The following PTN variants were observed in gnomAD, a reference collection of about 807,000 sequenced individuals.
PTN encodes the protein pleiotrophin, also known as heparin affin regulatory protein.
In PTN, 18 loss-of-function variants were observed where a neutral mutation model predicts 24.1. The observed-to-expected ratio is 0.75, with a 90% CI of 0.52 to 1.11. The LOEUF (loss-of-function observed/expected upper bound fraction) is 1.11, where lower values mean the gene tolerates loss of function less well. Among genes scored for constraint, PTN ranks in the 50% least tolerant of loss-of-function variants. The pLI, the probability that PTN is intolerant of heterozygous loss-of-function variation, is 0.00. For synonymous variants in PTN, 78 were observed against 68.6 expected (o/e 1.14, Z -0.67); for missense variants, 163 against 198.8 (o/e 0.82, Z 1.08).
At chr7:137,231,101 G>A (rs976454926) in intron 4 of PTN, among the ~76,000 whole-genome samples, 2 of 151,818 alleles carry the variant, frequency 1.3e-5, no homozygotes, top group African/African-American at 4.8e-5. Flanking sequence ...CCTATCTCTA[G>A]CATTGTAACT....
At chr7:137,232,492 G>T (rs906925966) in intron 4 of PTN, among the ~76,000 whole-genome samples, 3 of 151,872 alleles carry the variant, frequency 2.0e-5, no homozygotes, top group African/African-American at 7.2e-5. Flanking sequence ...TTTAAGATAC[G>T]TTTGAAAGTG....
rs1585000477 is a variant in PTN, at chr7:137,228,037, C to A, written c.490G>T (p.Glu164Ter). Residue 164 changes from glutamate (E) to a stop codon, truncating the protein, a stop_gained, in exon 5 of 5, where the codon GAG becomes TAG. Transcript: ENST00000348225. LOFTEE classifies it high-confidence loss of function. ...GACATCTTTTAATCCAGCATCTTCTCCTGTTTCTTGCCTTCCTTTTTCTTC... is the reference window on the plus strand; with the variant it reads ...GACATCTTTTAATCCAGCATCTTCTACTGTTTCTTGCCTTCCTTTTTCTTC... ...KKKKKEGKKQEKMLD is the reference protein window; with the variant it reads ...KKKKKEGKKQ 1.9e-6 allele frequency: 3 copies of A among 1,609,140 alleles called. No individual in the cohort carries two copies. The highest frequency in any genetic ancestry group is 2.5e-6 in the Non-Finnish European group (3 of 1,177,044).
chr7:137,277,032 C>T (rs896248548), intron 1 of PTN, among the ~76,000 whole-genome samples: 3 of 152,080 alleles, frequency 2.0e-5, no homozygotes, highest in African/African-American at 4.8e-5. Flanking sequence ...TATATGTTTA[C>T]AAAATATGTA....
At chr7:137,316,416 T>C (rs1017965720) in intron 1 of PTN, among the ~76,000 whole-genome samples, 4 of 152,120 alleles carry the variant, frequency 2.6e-5, no homozygotes, top group African/African-American at 9.7e-5. Context: ...ACATAAGTCT[T>C]ACAAGAAAGT....
At chr7:137,255,036 T>C (rs1203562821) in intron 1 of PTN, 62 bp from the exon 2 acceptor site, 12 of 1,175,138 alleles carry the variant, frequency 1.0e-5, no homozygotes, top group African/African-American at 6.0e-5. Context: ...GGAAGATTCA[T>C]TGAACCCTTG....
At chr7:137,247,994 T>C (rs1463770639) in intron 4 of PTN, among the ~76,000 whole-genome samples, 1 of 152,066 alleles carries the variant, frequency 6.6e-6, no homozygotes, top group African/African-American at 2.4e-5. Context: ...AATTAACCAG[T>C]GTTCCTCAGT....
intron 1 of PTN, among the ~76,000 whole-genome samples, chr7:137,342,314 C>T (rs916084972): frequency 6.6e-6 from 1 of 152,154 alleles, no homozygotes; most frequent in African/African-American, 2.4e-5. Context: ...CACACGCACA[C>T]ACACACATCA....
intron 2 of PTN, 45 bp from the exon 3 acceptor site, chr7:137,253,682 T>G (rs771198783): frequency 7.0e-7 from 1 of 1,423,514 alleles, no homozygotes; most frequent in South Asian, 1.6e-5. Context: ...GAAAACTCCT[T>G]AACTTCCAGA....
At chr7:137,277,398 C>T (rs1175206336) in intron 1 of PTN, among the ~76,000 whole-genome samples, 2 of 152,134 alleles carry the variant, frequency 1.3e-5, no homozygotes, top group African/African-American at 2.4e-5. Context: ...ATCATACAAC[C>T]CAGCCACTTT....
chr7:137,266,291 A>AT (rs561520767), intron 1 of PTN, among the ~76,000 whole-genome samples: 31 of 152,126 alleles, frequency 2.0e-4, no homozygotes, highest in South Asian at 1.2e-3. Context: ...CAAAACAATG[A>AT]TTTTTTTTAA....
chr7:137,335,730 G>C (rs1045851563), intron 1 of PTN, among the ~76,000 whole-genome samples: 3 of 152,162 alleles, frequency 2.0e-5, no homozygotes, highest in African/African-American at 2.4e-5. Flanking sequence ...GAACATGAAA[G>C]TTTGAGAAGC....
intron 1 of PTN, among the ~76,000 whole-genome samples, chr7:137,286,018 C>T (rs1031879206): frequency 6.6e-6 from 1 of 152,124 alleles, no homozygotes; most frequent in Non-Finnish European, 1.5e-5. Flanking sequence ...AAAATAAATG[C>T]TACAGCCAAG....
At chr7:137,269,854 A>G (rs1374901541) in intron 1 of PTN, among the ~76,000 whole-genome samples, 1 of 151,754 alleles carries the variant, frequency 6.6e-6, no homozygotes, top group Non-Finnish European at 1.5e-5. Context: ...GGTGGTCTCA[A>G]TCTCCTGACC....
At chr7:137,244,945 C>A (rs1222278459) in intron 4 of PTN, among the ~76,000 whole-genome samples, 1 of 152,162 alleles carries the variant, frequency 6.6e-6, no homozygotes. Context: ...AGCCTCCTAA[C>A]CAAGTCACTT....
chr7:137,248,524 A>G (rs1427091536), intron 4 of PTN, among the ~76,000 whole-genome samples: 1 of 152,170 alleles, frequency 6.6e-6, no homozygotes. Context: ...TGTCTCTACT[A>G]AAAAGACAGA....
intron 1 of PTN, among the ~76,000 whole-genome samples, chr7:137,324,451 T>TATTTATAA (rs1460014447): frequency 7.5e-6 from 1 of 133,354 alleles, no homozygotes; most frequent in Non-Finnish European, 1.5e-5. Context: ...TATATATATA[T>TATTTATAA]AAATTAACCT....
At chr7:137,296,842 C>G (rs1809725788) in intron 1 of PTN, among the ~76,000 whole-genome samples, 1 of 151,994 alleles carries the variant, frequency 6.6e-6, no homozygotes, top group African/African-American at 2.4e-5. Flanking sequence ...TGGCTCTCCA[C>G]CAAACCCCCC....
chr7:137,249,364 A>T (rs1808782252), intron 4 of PTN, among the ~76,000 whole-genome samples: 1 of 151,850 alleles, frequency 6.6e-6, no homozygotes, highest in Non-Finnish European at 1.5e-5. Context: ...CTAGAGCAGT[A>T]GTTCTCAATT....
At chr7:137,241,031 A>C (rs1808619280) in intron 4 of PTN, among the ~76,000 whole-genome samples, 1 of 152,204 alleles carries the variant, frequency 6.6e-6, no homozygotes, top group Non-Finnish European at 1.5e-5. Flanking sequence ...GAAACTTACA[A>C]TCATGGCTGA....
Sources: gnomAD v4.1 joint callset for allele counts (sites outside exome capture counted in the v4.1 genomes callset) on GRCh38, gnomAD v4.1.1 for gene constraint, MANE v1.5 for transcripts, NCBI Gene and HGNC (gene_info 2026-07-23, HGNC 2026-07-21) for gene names.